The following PCLO variants were observed in gnomAD, a reference collection of about 807,000 sequenced individuals.
The protein encoded by PCLO is piccolo presynaptic cytomatrix protein.
A neutral mutation model predicts 427.5 loss-of-function variants in PCLO; 82 were observed. That is an observed-to-expected ratio of 0.19 (90% CI 0.16 to 0.23). PCLO has a LOEUF of 0.23. Among genes scored for constraint, PCLO ranks in the 10% least tolerant of loss-of-function variants. The pLI is 1.00. For missense variants in PCLO, 6,239 were observed against 6,115.9 expected (o/e 1.02, Z -0.67); for synonymous variants, 2,357 against 2,155.4 (o/e 1.09, Z -2.59).
At chr7:83,087,218 T>C (rs571602675) in intron 3 of PCLO, among the ~76,000 whole-genome samples, 34 of 68,202 alleles carry the variant, frequency 5.0e-4, no homozygotes, top group African/African-American at 2.4e-3. Flanking sequence ...ACTTAAAGCA[T>C]AATAAAAAAA....
rs768208200 is a variant in PCLO, at chr7:82,952,230, G to C, written c.8723C>G (p.Thr2908Arg). The C allele has an allele frequency of 4.0e-5, 64 of 1,613,668 alleles. No homozygotes were observed. Among genetic ancestry groups the C allele is most frequent in the Non-Finnish European group, 5.0e-5 (59 of 1,179,822 alleles). ...VDLSTTKSHRTVVTMDESTSS... is the reference protein window; with the variant it reads ...VDLSTTKSHRRVVTMDESTSS... ...AGTAGACTCATCCATTGTTACGACT[G>C]TTCTGTGAGACTTGGTTGTACTGAG... The change falls in exon 5 of 25, where the codon ACA becomes AGA. Residue 2908 changes from threonine to arginine, a missense_variant. By Grantham distance (71) the Thr-to-Arg change is moderately conservative (BLOSUM62 -1). Around this residue, in one of 5 missense-constraint regions of PCLO, gnomAD observed 4,677 missense variants for 4,468.4 expected, o/e 1.05. Coordinates refer to ENST00000333891, the MANE Select transcript of PCLO (RefSeq NM_033026.6).
At chr7:82,922,784 G>T (rs539887168) in intron 6 of PCLO, among the ~76,000 whole-genome samples, 1 of 152,074 alleles carries the variant, frequency 6.6e-6, no homozygotes, top group East Asian at 1.9e-4. Context: ...TTGCTAAATA[G>T]TTCTCAGTGT....
At chr7:82,983,802 A>T (rs1157360493) in intron 3 of PCLO, among the ~76,000 whole-genome samples, 1 of 151,944 alleles carries the variant, frequency 6.6e-6, no homozygotes, top group Non-Finnish European at 1.5e-5. Flanking sequence ...TATTTGAGTT[A>T]TATGTTCTTT....
At chr7:83,092,572 T>A (rs1318748505) in intron 3 of PCLO, among the ~76,000 whole-genome samples, 2 of 152,160 alleles carry the variant, frequency 1.3e-5, no homozygotes, top group East Asian at 3.9e-4. Context: ...ATGTTCTGGA[T>A]TCTGTTACAA....
rs1309942989 is a variant in PCLO at position 82,895,261 on chromosome 7, G to A, written c.13528+7390C>T. On this transcript the variant is annotated intron_variant, in intron 9 of 24. Transcript: ENST00000333891. ...ATAGGTAAGAGAAAAAATTACAAGG[G>A]AATTAAGAAATCTTTTGAAGTGAAT... 2.6e-5 allele frequency among the ~76,000 whole-genome samples: 4 copies of A among 151,652 alleles called. No homozygotes were observed. In the East Asian group the frequency reaches 7.8e-4, roughly 30 times the overall value.
At chr7:82,929,981 C>T (rs773610908) in intron 6 of PCLO, among the ~76,000 whole-genome samples, 14 of 152,150 alleles carry the variant, frequency 9.2e-5, no homozygotes, top group Non-Finnish European at 1.3e-4. Flanking sequence ...TACCTTCATG[C>T]AGCTTTCAGA....
At chr7:83,096,354 T>C (rs1167257130) in intron 3 of PCLO, among the ~76,000 whole-genome samples, 4 of 152,094 alleles carry the variant, frequency 2.6e-5, no homozygotes, top group Non-Finnish European at 4.4e-5. Flanking sequence ...TCTGAATTAA[T>C]ATAGCAAAGT....
chr7:82,960,053 C>T (rs547845763), intron 4 of PCLO, among the ~76,000 whole-genome samples: 1 of 152,248 alleles, frequency 6.6e-6, no homozygotes, highest in Admixed American at 6.5e-5. Flanking sequence ...TCACAAAAGC[C>T]TTCCATATTG....
chr7:83,085,306 C>T (rs1309668719), intron 3 of PCLO, among the ~76,000 whole-genome samples: 4 of 152,102 alleles, frequency 2.6e-5, no homozygotes, highest in Admixed American at 1.3e-4. Flanking sequence ...ATTTACTATG[C>T]ACCAACTGTT....
At chr7:82,795,989 A>G (rs1170118108) in intron 22 of PCLO, among the ~76,000 whole-genome samples, 1 of 152,182 alleles carries the variant, frequency 6.6e-6, no homozygotes, top group Non-Finnish European at 1.5e-5. Flanking sequence ...ACATTTCAAA[A>G]AATATTGAAA....
chr7:82,884,603 GT>G (rs922841344), intron 9 of PCLO, among the ~76,000 whole-genome samples: 1 of 152,048 alleles, frequency 6.6e-6, no homozygotes, highest in African/African-American at 2.4e-5. Flanking sequence ...AATCTGAAGG[GT>G]TTGCCGGATA....
chr7:82,887,274 T>A (rs1793650298), intron 9 of PCLO, among the ~76,000 whole-genome samples: 1 of 152,180 alleles, frequency 6.6e-6, no homozygotes, highest in Non-Finnish European at 1.5e-5. Flanking sequence ...GACTTTCACA[T>A]CCTTGTTCTT....
intron 10 of PCLO, among the ~76,000 whole-genome samples, chr7:82,866,595 G>A (rs1396991012): frequency 6.7e-6 from 1 of 149,524 alleles, no homozygotes; most frequent in Non-Finnish European, 1.5e-5. Context: ...GGAAACAAAA[G>A]TAGCTTAAGA....
chr7:82,896,443 GCAAACTTA>G (rs1324589412), intron 9 of PCLO, among the ~76,000 whole-genome samples: 2 of 151,728 alleles, frequency 1.3e-5, no homozygotes, highest in East Asian at 3.9e-4. Flanking sequence ...CTTGGAAAAG[GCAAACTTA>G]CAGAGACAAG....
intron 3 of PCLO, among the ~76,000 whole-genome samples, chr7:83,003,515 T>C (rs1787874886): frequency 6.6e-6 from 1 of 151,848 alleles, no homozygotes; most frequent in African/African-American, 2.4e-5. Flanking sequence ...TATGGATGAC[T>C]ATGTCAATGG....
At chr7:82,934,151 A>G (rs1253579273) in intron 6 of PCLO, among the ~76,000 whole-genome samples, 1 of 151,892 alleles carries the variant, frequency 6.6e-6, no homozygotes, top group Non-Finnish European at 1.5e-5. Flanking sequence ...TCTTATGCAG[A>G]GATGACCAGT....
rs1259584600 is a variant in PCLO at position 82,955,387 on chromosome 7, A to C, written c.5566T>G (p.Cys1856Gly). ...AEMEELHRSS[C>G]SEYSPSIESD... ...TCTATGCTAGGTGAATATTCAGAAC[A>C]AGAAGATCTATGGAGCTCCTCCATT... Residue 1856 changes from cysteine (C) to glycine (G), a missense_variant, in exon 5 of 25, where the codon TGT becomes GGT. By Grantham distance (159) the Cys-to-Gly change is radical. Transcript: ENST00000333891. 6.2e-7 allele frequency: 1 copy of C among 1,613,896 alleles called. No individual in the cohort carries two copies. Among genetic ancestry groups the C allele is most frequent in the Non-Finnish European group, 8.5e-7 (1 of 1,179,836 alleles).
intron 22 of PCLO, among the ~76,000 whole-genome samples, chr7:82,785,098 C>G (rs1054658679): frequency 3.9e-5 from 6 of 151,982 alleles, no homozygotes; most frequent in African/African-American, 1.5e-4. Context: ...AACAATTATT[C>G]TTTATTATTC....
chr7:83,006,929 C>T (rs1787959317), intron 3 of PCLO, among the ~76,000 whole-genome samples: 1 of 151,452 alleles, frequency 6.6e-6, no homozygotes, highest in East Asian at 1.9e-4. Context: ...TGCTTTTTAC[C>T]TTTTCCTTAC....
Sources: gnomAD v4.1 joint callset for allele counts (sites outside exome capture counted in the v4.1 genomes callset) on GRCh38, gnomAD v4.1.1 for gene constraint, gnomAD v4.1.1 regional missense constraint, MANE v1.5 for transcripts, NCBI Gene and HGNC (gene_info 2026-07-23, HGNC 2026-07-21) for gene names.